The following LAMC2 variants were observed in gnomAD, a reference collection of about 807,000 sequenced individuals.
The protein encoded by LAMC2 is laminin subunit gamma 2.
Under a neutral mutation model 140.2 loss-of-function variants are expected in LAMC2, and 97 were observed. That is an observed-to-expected ratio of 0.69 (90% confidence interval 0.59 to 0.82). The LOEUF (loss-of-function observed/expected upper bound fraction) is 0.82. Among genes scored for constraint, LAMC2 ranks in the 40% least tolerant of loss-of-function variants. The pLI, the probability that LAMC2 is intolerant of heterozygous loss-of-function variation, is 0.00. For missense variants in LAMC2, 1,402 were observed against 1,476.1 expected, an observed-to-expected ratio of 0.95 and a Z score of 0.82; for synonymous variants, 513 against 540.2, an observed-to-expected ratio of 0.95 and a Z score of 0.70.
At chr1:183,227,214 G>A (rs1231450260) in intron 9 of LAMC2, among the ~76,000 whole-genome samples, 3 of 152,278 alleles carry the variant, frequency 2.0e-5, no homozygotes, top group Non-Finnish European at 2.9e-5. Context: ...AGACAAGTCC[G>A]GGTCTAAATG....
chr1:183,240,589 A>G (rs1558099831), intron 22 of LAMC2, 198 bp downstream of exon 22: 1 of 1,435,288 alleles, frequency 7.0e-7, no homozygotes, highest in Non-Finnish European at 9.1e-7. Context: ...CGTTGCTAAG[A>G]TGGGTCACTG....
Position 183,222,098 on chromosome 1 carries a change from G to A in LAMC2, c.650G>A (p.Gly217Asp), listed in dbSNP as rs1659491322. 6.2e-7 allele frequency: 1 copy of A among 1,614,110 alleles called. No individual in the cohort carries two copies. Among genetic ancestry groups the A allele is most frequent in the Non-Finnish European group, 8.5e-7 (1 of 1,179,994 alleles). ...TATGTTTGTGTTCCAGATGTTGATG[G>A]CTGGAAGGCTGTCCAACGAAATGGG... ...ITSTFHQDVD[G>D]WKAVQRNGSP... Residue 217 changes from glycine to aspartate, a missense_variant, in exon 6 of 23, where the codon GGC becomes GAC. Gly to Asp is a moderately conservative substitution (Grantham distance 94). Transcript: ENST00000264144.
intron 15 of LAMC2, among the ~76,000 whole-genome samples, chr1:183,235,211 G>A (rs76067258): frequency 1.3e-5 from 2 of 152,016 alleles, no homozygotes; most frequent in Admixed American, 6.6e-5. Context: ...GCGAAAGTGC[G>A]TAAAGGTTGG....
intron 2 of LAMC2, 56 bp downstream of exon 2, chr1:183,208,125 G>C: frequency 6.9e-7 from 1 of 1,450,640 alleles, no homozygotes; most frequent in Non-Finnish European, 9.7e-7. Context: ...GGAGACAAGA[G>C]GGAAGGAAGG....
chr1:183,207,052 TG>T (rs1035991617), intron 1 of LAMC2, among the ~76,000 whole-genome samples: 3 of 152,214 alleles, frequency 2.0e-5, no homozygotes, highest in Admixed American at 1.3e-4. Flanking sequence ...GCAGTCTGTA[TG>T]GAAGAAAAAA....
chr1:183,188,347 C>T (rs1047630558), intron 1 of LAMC2, among the ~76,000 whole-genome samples: 1 of 152,180 alleles, frequency 6.6e-6, no homozygotes, highest in African/African-American at 2.4e-5. Flanking sequence ...TCAAAGTGAC[C>T]GTGTCTGAGT....
Position 183,235,578 on chromosome 1 carries a change from C to T in LAMC2, c.2304C>T (p.His768=), listed in dbSNP as rs1438841227. 2.5e-6 allele frequency: 4 copies of T among 1,614,194 alleles called. No individual in the cohort carries two copies. Among genetic ancestry groups the T allele is most frequent in the South Asian group, 2.2e-5 (2 of 91,080 alleles). ...AQEATRLAES[H]VESASNMEQL... is the part of the protein sequence containing the mutation. ...CTTTTGTTTTTAATCCTTTCAGCCA[C>T]GTTGAGTCAGCCAGTAACATGGAGC... Residue 768 remains histidine, a synonymous_variant, in exon 16 of 23, where the codon CAC becomes CAT. Transcript: ENST00000264144.
rs1553267345 is a variant in LAMC2 at position 183,235,688 on chromosome 1, G to GCGGTAGCC, written c.2418_2425dup (p.Asp809ValfsTer25). 2.5e-6 allele frequency: 4 copies of GCGGTAGCC among 1,614,124 alleles called. No homozygotes were observed. In the African/African-American group the frequency reaches 5.3e-5, roughly 22 times the overall value. On this transcript the variant is annotated frameshift_variant, in exon 16 of 23. Coordinates refer to ENST00000264144, the MANE Select transcript of LAMC2 (RefSeq NM_005562.3). LOFTEE classifies it high-confidence loss of function. ...CTGCATGAAGGAGTCGGAAGCGGAA[G>GCGGTAGCC]CGGTAGCCCGGACGGTGCTGTGGTG...
At chr1:183,208,827 C>A (rs1658982489) in intron 2 of LAMC2, among the ~76,000 whole-genome samples, 1 of 151,882 alleles carries the variant, frequency 6.6e-6, no homozygotes. Context: ...TTACAGGCAC[C>A]CACCACCACG....
chr1:183,200,724 T>TGCTC (rs1658680693), intron 1 of LAMC2, among the ~76,000 whole-genome samples: 1 of 152,110 alleles, frequency 6.6e-6, no homozygotes, highest in African/African-American at 2.4e-5. Context: ...CGAGGGATCC[T>TGCTC]GCTCGCCTCA....
rs763459877 is a variant in LAMC2 at position 183,234,464 on chromosome 1, G to A, written c.2300+18G>A. On this transcript the variant is annotated intron_variant, in intron 15 of 22. Transcript: ENST00000264144. ...GCAGAAAGGTGAGCAGCATTAGAGG[G>A]CACCTCTGCTTCAAGCCGTCTCTGC... 14 of 1,596,094 alleles carry A rather than the reference G, an allele frequency of 8.8e-6. No homozygotes were observed. Among genetic ancestry groups the A allele is most frequent in the Non-Finnish European group, 1.1e-5 (13 of 1,163,654 alleles).
intron 13 of LAMC2, 33 bp from the exon 14 acceptor site, chr1:183,232,619 G>A (rs747962816): frequency 2.5e-5 from 40 of 1,580,396 alleles, no homozygotes; most frequent in Non-Finnish European, 3.4e-5. Context: ...GACCCAGAAA[G>A]TGCTCATGCT....
intron 13 of LAMC2, 27 bp downstream of exon 13, chr1:183,232,370 C>A (rs1332783633): frequency 6.2e-7 from 1 of 1,612,750 alleles, no homozygotes; most frequent in African/African-American, 1.3e-5. Context: ...TCCCTTCAGA[C>A]AGAAGAGAAT....
At chr1:183,255,374 A>T in the LAMC2 span, among the ~76,000 whole-genome samples, 1 of 151,886 alleles carries the variant, frequency 6.6e-6, no homozygotes, top group Non-Finnish European at 1.5e-5. Flanking sequence ...TTTTTTTCTC[A>T]TAATTGCTTT....
the LAMC2 span, among the ~76,000 whole-genome samples, chr1:183,254,477 T>C: frequency 6.6e-6 from 1 of 152,052 alleles, no homozygotes; most frequent in South Asian, 2.1e-4. Flanking sequence ...CTCACTCTGT[T>C]GCCCAGGCTG....
intron 22 of LAMC2, among the ~76,000 whole-genome samples, chr1:183,242,820 C>T (rs1660163668): frequency 1.3e-5 from 2 of 151,068 alleles, no homozygotes; most frequent in African/African-American, 4.9e-5. Flanking sequence ...GTGCTCAGTC[C>T]CCTATGACCT....
chr1:183,233,365 G>A (rs1171384600), intron 14 of LAMC2, among the ~76,000 whole-genome samples: 1 of 152,142 alleles, frequency 6.6e-6, no homozygotes, highest in Non-Finnish European at 1.5e-5. Flanking sequence ...GGAAGACATG[G>A]TTTTGAAAAT....
At chr1:183,214,042 A>AG (rs1659163896) in intron 2 of LAMC2, among the ~76,000 whole-genome samples, 1 of 139,456 alleles carries the variant, frequency 7.2e-6, no homozygotes, top group Admixed American at 7.2e-5. Flanking sequence ...CGTCTCAAAA[A>AG]AAAAAAAAAA....
chr1:183,255,394 GGGT>G, the LAMC2 span, among the ~76,000 whole-genome samples: 1 of 151,974 alleles, frequency 6.6e-6, no homozygotes, highest in Non-Finnish European at 1.5e-5. Flanking sequence ...TGGCTATTCA[GGGT>G]CTTTTGCAGT....
Sources: gnomAD v4.1 joint callset for allele counts (sites outside exome capture counted in the v4.1 genomes callset) on GRCh38, gnomAD v4.1.1 for gene constraint, MANE v1.5 for transcripts, NCBI Gene and HGNC (gene_info 2026-07-23, HGNC 2026-07-21) for gene names.